USP25: variants seen among roughly 807,000 people sequenced by gnomAD.
USP25 encodes the protein ubiquitin carboxyl-terminal hydrolase 25.
USP25 carries 85 observed loss-of-function variants against 158.5 expected under a neutral mutation model. The ratio of observed to expected loss-of-function variants is 0.54; its 90% CI spans 0.45 to 0.64. The LOEUF is 0.64. USP25 is among the 30% of genes least tolerant of loss of function. The pLI, the probability that USP25 is intolerant of heterozygous loss-of-function variation, is 0.00. For missense variants in USP25, 1,242 were observed against 1,327.3 expected, an observed-to-expected ratio of 0.94 and a Z score of 1.00; for synonymous variants, 464 against 460.4, an observed-to-expected ratio of 1.01 and a Z score of -0.10.
intron 17 of USP25, among the ~76,000 whole-genome samples, chr21:15,834,236 G>A (rs1411002897): frequency 1.3e-5 from 2 of 152,116 alleles, no homozygotes; most frequent in Non-Finnish European, 2.9e-5. Context: ...TAAGAAAATA[G>A]TTTCTAGTAA....
chr21:15,735,960 A>T (rs2031452679), intron 1 of USP25, among the ~76,000 whole-genome samples: 2 of 143,124 alleles, frequency 1.4e-5, no homozygotes, highest in African/African-American at 2.8e-5. Context: ...GTTTTGTCCT[A>T]AATCTGTGTG....
intron 18 of USP25, 118 bp downstream of exon 18, chr21:15,842,658 A>T (rs2146445846): frequency 7.7e-7 from 1 of 1,303,586 alleles, no homozygotes; most frequent in South Asian, 1.6e-5. Context: ...TGGCTCTGCC[A>T]TGGGCATGAT....
At chr21:15,861,820 C>G (rs1483240278) in intron 20 of USP25, among the ~76,000 whole-genome samples, 2 of 151,936 alleles carry the variant, frequency 1.3e-5, no homozygotes, top group African/African-American at 4.8e-5. Context: ...AAAATGTTTT[C>G]TTGTGTGATT....
intron 9 of USP25, among the ~76,000 whole-genome samples, chr21:15,817,959 A>T (rs1038144326): frequency 6.6e-6 from 1 of 152,194 alleles, no homozygotes; most frequent in Admixed American, 6.5e-5. Context: ...GACCTTGTAG[A>T]TTTTAACTCA....
At chr21:15,820,450 A>G (rs1032491156) in intron 10 of USP25, among the ~76,000 whole-genome samples, 1 of 151,412 alleles carries the variant, frequency 6.6e-6, no homozygotes. Flanking sequence ...AGGTTTTTTC[A>G]TCTAGCCTAG....
intron 1 of USP25, among the ~76,000 whole-genome samples, chr21:15,748,454 G>GTTTTTTTTT (rs71331787): frequency 1.8e-4 from 14 of 79,010 alleles, no homozygotes; most frequent in Non-Finnish European, 2.4e-4. Context: ...CTACTTTTTA[G>GTTTTTTTTT]TTTTTTTTTT....
chr21:15,840,504 A>T (rs912725252), intron 17 of USP25, among the ~76,000 whole-genome samples: 1 of 152,164 alleles, frequency 6.6e-6, no homozygotes, highest in African/African-American at 2.4e-5. Context: ...AGGGTGTCAA[A>T]TATTGTAGGT....
rs1369971618 is a variant in USP25 at position 15,791,743 on chromosome 21, G to C, written c.555+79G>C. On this transcript the variant is annotated intron_variant, in intron 5 of 25. Transcript: ENST00000400183. ...AGTGAGTTGGTTGTGTTTAAGTTGT[G>C]TACTTTAAAGATAAGTACAGATAAG... 2.7e-6 allele frequency: 4 copies of C among 1,457,660 alleles called. No individual in the cohort carries two copies. In the Admixed American group the frequency reaches 6.7e-5, roughly 24 times the overall value. The allele number at this position is 1,457,660 out of a possible 1,614,324, so 90.3% of individuals were successfully genotyped here. A position where few individuals can be genotyped will look rare whatever the true frequency, so the allele number is the denominator to read the frequency against.
chr21:15,795,946 T>C (rs962706139), intron 5 of USP25, among the ~76,000 whole-genome samples: 1 of 151,562 alleles, frequency 6.6e-6, no homozygotes, highest in African/African-American at 2.4e-5. Flanking sequence ...AGGCAGTTTA[T>C]GTTTCATTTC....
At chr21:15,820,481 G>A (rs918177061) in intron 10 of USP25, among the ~76,000 whole-genome samples, 2 of 151,696 alleles carry the variant, frequency 1.3e-5, no homozygotes, top group Non-Finnish European at 2.9e-5. Flanking sequence ...GATTTATGAT[G>A]GTTCTCTATT....
At chr21:15,831,370 G>T in intron 15 of USP25, 31 bp from the exon 16 acceptor site, 1 of 1,592,960 alleles carries the variant, frequency 6.3e-7, no homozygotes, top group Non-Finnish European at 8.6e-7. Context: ...CTACATAATT[G>T]CAGTTTAACT....
At chr21:15,811,370 G>A (rs1342719684) in intron 9 of USP25, among the ~76,000 whole-genome samples, 160 bp downstream of exon 9, 1 of 152,130 alleles carries the variant, frequency 6.6e-6, no homozygotes, top group Non-Finnish European at 1.5e-5. Flanking sequence ...ATAAAGCACA[G>A]AATTGAATGA....
intron 1 of USP25, among the ~76,000 whole-genome samples, chr21:15,743,280 G>A (rs2032232611): frequency 6.6e-6 from 1 of 152,214 alleles, no homozygotes; most frequent in Non-Finnish European, 1.5e-5. Flanking sequence ...CACAGCTCCA[G>A]GAGCCAGCCA....
rs949105598 is a variant in USP25, at chr21:15,766,567, A to G, written c.268+426A>G. 1.3e-5 allele frequency among the ~76,000 whole-genome samples: 2 copies of G among 152,038 alleles called. No homozygotes were observed. Among genetic ancestry groups the G allele is most frequent in the African/African-American group, 4.8e-5 (2 of 41,432 alleles). On this transcript the variant is annotated intron_variant, in intron 3 of 25. Coordinates refer to ENST00000400183, the MANE Select transcript of USP25 (RefSeq NM_001283041.3). The surrounding 1 kb of genome is among the most constrained non-coding windows in gnomAD (Gnocchi z 4.0). ...CCCTTCCCTTTCCCCCTGCTTCCAA[A>G]TAAAGCTTTGGCAAAGAAGTTTATT...
intron 9 of USP25, among the ~76,000 whole-genome samples, chr21:15,817,429 A>G (rs1465268125): frequency 6.6e-6 from 1 of 152,222 alleles, no homozygotes; most frequent in East Asian, 1.9e-4. Context: ...ATGACCACCC[A>G]CTTCACACAG....
In USP25 at chr21:15,777,979, G is replaced by A. The variant is rs773287345; in HGVS notation, c.344G>A (p.Arg115Lys). The change falls in exon 4 of 26, where the codon AGG (arginine) becomes AAG (lysine). Residue 115 changes from arginine (R) to lysine (K), a missense_variant. Arg to Lys is a conservative substitution (Grantham distance 26, BLOSUM62 2). Coordinates refer to ENST00000400183, the MANE Select transcript of USP25 (RefSeq NM_001283041.3). Reference protein sequence around the residue: ...AIALSLAESNRAFRETGITDE... With the variant: ...AIALSLAESNKAFRETGITDE... ...GCCTTGAGTTTGGCCGAATCAAACAGGGCATTCAGGGAGACTGGAATAACT... is the reference window on the plus strand; with the variant it reads ...GCCTTGAGTTTGGCCGAATCAAACAAGGCATTCAGGGAGACTGGAATAACT... 17 of 1,611,512 alleles carry A rather than the reference G, an allele frequency of 1.1e-5. No individual in the cohort carries two copies. The Middle Eastern group carries it at 8.3e-4, about 78-fold the overall frequency.
chr21:15,785,465 TC>T (rs1307569759), intron 4 of USP25, among the ~76,000 whole-genome samples: 3 of 152,186 alleles, frequency 2.0e-5, no homozygotes, highest in African/African-American at 7.2e-5. Flanking sequence ...AGAGATGGTA[TC>T]AAGTATTTTA....
chr21:15,735,571 T>A (rs1452901212), intron 1 of USP25, among the ~76,000 whole-genome samples: 3 of 152,206 alleles, frequency 2.0e-5, no homozygotes, highest in Admixed American at 2.0e-4. Flanking sequence ...ATGAGATTGC[T>A]TACAAGGTTT....
rs747718108 is a variant in USP25, at chr21:15,825,081, A to G, written c.1304+20A>G. ...AGAAAGGTATTTTAACTTTTATGAA[A>G]TTAGGAGATAATTATCAGAAACCAT... is the stretch of plus-strand genomic sequence containing the variant. On this transcript the variant is annotated intron_variant, in intron 12 of 25. Transcript: ENST00000400183. 2.5e-5 allele frequency: 38 copies of G among 1,532,948 alleles called. No homozygotes were observed. Among genetic ancestry groups the G allele is most frequent in the African/African-American group, 1.3e-4 (9 of 71,784 alleles). The allele number at this position is 1,532,948 out of a possible 1,614,324, so 95.0% of individuals were successfully genotyped here. A position where few individuals can be genotyped will look rare whatever the true frequency, so the allele number is the denominator to read the frequency against.
Sources: allele counts gnomAD v4.1 joint callset (sites outside exome capture counted in the v4.1 genomes callset), GRCh38; gene constraint gnomAD v4.1.1; non-coding constraint Gnocchi (gnomAD v3.1); transcripts MANE v1.5; gene names NCBI Gene and HGNC (gene_info 2026-07-23, HGNC 2026-07-21).